Variants in NRG1 observed in about 807,000 individuals in gnomAD.
NRG1 encodes the protein neuregulin 1.
In NRG1, 18 loss-of-function variants were observed where a neutral mutation model predicts 63.8. That is an observed-to-expected ratio of 0.28 (90% CI 0.19 to 0.42). The LOEUF is 0.42. Among genes scored for constraint, NRG1 ranks in the 10% least tolerant of loss-of-function variants. The probability of loss-of-function intolerance (pLI) is 1.00; values close to 1 mark genes in which losing one functional copy is unlikely to be tolerated. For synonymous variants in NRG1, 302 were observed against 301.3 expected, an observed-to-expected ratio of 1.00 and a Z score of -0.02; for missense variants, 762 against 814.7, an observed-to-expected ratio of 0.94 and a Z score of 0.79.
At chr8:32,726,959 G>A (rs924115092) in intron 5 of NRG1, among the ~76,000 whole-genome samples, 2 of 151,710 alleles carry the variant, frequency 1.3e-5, no homozygotes, top group Non-Finnish European at 2.9e-5. Flanking sequence ...ATCTGTACTG[G>A]CTTGATATAC....
exon 12 of NRG1, chr8:32,764,971 T>C (rs903688089): frequency 6.6e-6 from 1 of 152,288 alleles, no homozygotes; most frequent in African/African-American, 2.4e-5. Flanking sequence ...TACTATTAAA[T>C]ACAGCAAGAA....
chr8:32,036,883 C>G, intron 1 of NRG1, among the ~76,000 whole-genome samples: 1 of 152,136 alleles, frequency 6.6e-6, no homozygotes. Context: ...GGACATACTT[C>G]TTTAGCTCAG....
chr8:31,869,297 C>T (rs562221760), intron 1 of NRG1, among the ~76,000 whole-genome samples: 1 of 152,120 alleles, frequency 6.6e-6, no homozygotes, highest in African/African-American at 2.4e-5. Flanking sequence ...GAATGTTGTT[C>T]CTACTTAGAC....
intron 1 of NRG1, among the ~76,000 whole-genome samples, chr8:32,296,130 T>C (rs1344660543): frequency 6.6e-6 from 1 of 152,050 alleles, no homozygotes; most frequent in East Asian, 2.0e-4. Flanking sequence ...GGACAAAACA[T>C]GTGCACATTT....
chr8:32,302,301 T>TCAGTGAGGCATTTGGAGTAC (rs1323273512), intron 1 of NRG1, among the ~76,000 whole-genome samples: 1 of 152,184 alleles, frequency 6.6e-6, no homozygotes, highest in South Asian at 2.1e-4. Flanking sequence ...CTGACGATCT[T>TCAGTGAGGCATTTGGAGTAC]CAGTGAGGCA....
At chr8:32,311,377 G>A (rs1856787034) in intron 1 of NRG1, among the ~76,000 whole-genome samples, 3 of 152,128 alleles carry the variant, frequency 2.0e-5, no homozygotes, top group Non-Finnish European at 4.4e-5. Flanking sequence ...GGGTGGTCAG[G>A]CAAAGCTTTG....
chr8:32,686,481 G>A (rs1409401871), intron 5 of NRG1, among the ~76,000 whole-genome samples: 2 of 152,294 alleles, frequency 1.3e-5, no homozygotes, highest in East Asian at 3.9e-4. Flanking sequence ...AGGGAGACAG[G>A]GCCGGTAGTG....
intron 5 of NRG1, among the ~76,000 whole-genome samples, chr8:32,698,202 C>CA (rs113594688): frequency 0.15 from 19,589 of 131,440 alleles, 1,458 homozygotes; most frequent in Middle Eastern, 0.32. Context: ...GACTCCATCT[C>CA]AAAAAAAAAA....
intron 1 of NRG1, among the ~76,000 whole-genome samples, chr8:32,021,308 G>A (rs972819091): frequency 2.6e-5 from 4 of 152,050 alleles, no homozygotes; most frequent in African/African-American, 9.7e-5. Flanking sequence ...CTTTTATTCT[G>A]CATCATAACA....
At chr8:32,748,495 T>A (rs1429569090) in intron 7 of NRG1, among the ~76,000 whole-genome samples, 1 of 152,180 alleles carries the variant, frequency 6.6e-6, no homozygotes, top group East Asian at 1.9e-4. Context: ...TTATTTTTTT[T>A]ATTTTTTTGG....
At chr8:32,324,670 A>G (rs537877539) in intron 1 of NRG1, among the ~76,000 whole-genome samples, 25 of 152,344 alleles carry the variant, frequency 1.6e-4, no homozygotes, top group African/African-American at 5.5e-4. Context: ...CTGCAATTGA[A>G]TATGTCAGAA....
In NRG1 at chr8:31,640,180, C is replaced by T; in HGVS notation, c.37+749C>T. The T allele has an allele frequency of 5.1e-6, 6 of 1,187,710 alleles. No individual in the cohort carries two copies. The highest frequency in any genetic ancestry group is 6.3e-6 in the Non-Finnish European group (6 of 958,970). 73.6% of individuals were successfully genotyped at this position (1,187,710 alleles called of 1,614,324 possible). A position where few individuals can be genotyped will look rare whatever the true frequency, so the allele number is the denominator to read the frequency against. Reference sequence around the variant, plus strand: ...GGGGGCCTCGGTGTGCTACTCGTCCCCGCCCAGCGTGGGATCGGTGCAGGA... The same window carrying T: ...GGGGGCCTCGGTGTGCTACTCGTCCTCGCCCAGCGTGGGATCGGTGCAGGA... On this transcript the variant is annotated intron_variant, in intron 1 of 10. Coordinates refer to the NRG1 transcript ENST00000519301. This position sits in a 1 kb window ranked among gnomAD's most constrained non-coding sequence, Gnocchi z 6.3.
chr8:32,294,033 C>A (rs1313931302), intron 1 of NRG1, among the ~76,000 whole-genome samples: 2 of 152,018 alleles, frequency 1.3e-5, no homozygotes, highest in African/African-American at 4.8e-5. Flanking sequence ...CTGACTATTT[C>A]TTGACGGCCA....
At chr8:32,673,878 C>T (rs1008461349) in intron 5 of NRG1, among the ~76,000 whole-genome samples, 10 of 152,106 alleles carry the variant, frequency 6.6e-5, no homozygotes, top group African/African-American at 2.4e-4. Context: ...ACACATGAAA[C>T]CTTTTACTTA....
chr8:31,882,269 G>C (rs1190846894), intron 1 of NRG1, among the ~76,000 whole-genome samples: 1 of 127,860 alleles, frequency 7.8e-6, no homozygotes, highest in African/African-American at 3.0e-5. Flanking sequence ...CAGCACATCT[G>C]TTTATAGCAT....
chr8:31,987,738 C>A (rs1178980414), intron 1 of NRG1, among the ~76,000 whole-genome samples: 1 of 151,664 alleles, frequency 6.6e-6, no homozygotes, highest in Non-Finnish European at 1.5e-5. Flanking sequence ...TGCCCCTGAA[C>A]CTAAAAGTTG....
chr8:31,989,253 C>CAAAAAAAAAAAAAAAAAAAAAAAAAA (rs10692906), intron 1 of NRG1, among the ~76,000 whole-genome samples: 39 of 47,512 alleles, frequency 8.2e-4, no homozygotes, highest in East Asian at 3.3e-3. Context: ...GACTCTGTCT[C>CAAAAAAAAAAAAAAAAAAAAAAAAAA]AAAAAAAAAA....
chr8:32,728,512 G>A, intron 6 of NRG1: 1 of 985,380 alleles, frequency 1.0e-6, no homozygotes, highest in Non-Finnish European at 1.2e-6. Context: ...ACAAAGAGAA[G>A]CAGAAGGGCA....
chr8:32,415,734 G>T (rs1237583196), intron 1 of NRG1, among the ~76,000 whole-genome samples: 2 of 151,626 alleles, frequency 1.3e-5, no homozygotes, highest in African/African-American at 2.4e-5. Flanking sequence ...AACTCTCTTT[G>T]TATTTGTATC....
Sources: allele counts gnomAD v4.1 joint callset (sites outside exome capture counted in the v4.1 genomes callset), GRCh38; gene constraint gnomAD v4.1.1; non-coding constraint Gnocchi (gnomAD v3.1); transcripts MANE v1.5; gene names NCBI Gene and HGNC (gene_info 2026-07-23, HGNC 2026-07-21).